The following MYO10 variants were observed in gnomAD, a reference collection of about 807,000 sequenced individuals.
MYO10 encodes the protein myosin X, also known as unconventional myosin-X.
MYO10 carries 133 observed loss-of-function variants against 257.3 expected under a neutral mutation model. The ratio of observed to expected loss-of-function variants is 0.52; its 90% CI spans 0.45 to 0.60. MYO10 has a LOEUF of 0.60. Ranked by LOEUF, MYO10 falls within the 20% of genes least tolerant of loss-of-function variation. The probability of loss-of-function intolerance (pLI) is 0.00; values close to 1 mark genes in which losing one functional copy is unlikely to be tolerated. For missense variants in MYO10, 2,399 were observed against 2,635.7 expected, an observed-to-expected ratio of 0.91 and a Z score of 1.97; for synonymous variants, 1,104 against 1,028.6, an observed-to-expected ratio of 1.07 and a Z score of -1.40.
chr5:16,675,099 A>C lies in MYO10; in HGVS notation c.4718T>G (p.Phe1573Cys). 6.2e-7 allele frequency: 1 copy of C among 1,613,918 alleles called. No individual in the cohort carries two copies. The highest frequency in any genetic ancestry group is 8.5e-7 in the Non-Finnish European group (1 of 1,179,884). ...TTLQDEAIKI[F>C]NSLQQLESMS... Reference sequence around the variant, plus strand: ...GGACTCCAGTTGCTGCAGGGAATTGAATATCTTGATGGCCTCATCCTGAAG... The same window carrying C: ...GGACTCCAGTTGCTGCAGGGAATTGCATATCTTGATGGCCTCATCCTGAAG... Residue 1573 changes from phenylalanine to cysteine, a missense_variant, in exon 35 of 41, where the codon TTC (phenylalanine) becomes TGC (cysteine). Transcript: ENST00000513610.
rs1736011750 is a variant in MYO10 at position 16,662,312 on chromosome 5, AAC to A, written c.*4378_*4379del. 3.5e-5 allele frequency: 2 copies of A among 56,830 alleles called. No individual in the cohort carries two copies. The highest frequency in any genetic ancestry group is 7.0e-5 in the Non-Finnish European group (2 of 28,590). The allele number at this position is 56,830 out of a possible 1,614,324, so 3.5% of individuals were successfully genotyped here. On this transcript the variant is annotated 3_prime_UTR_variant, in exon 41 of 41. Coordinates refer to ENST00000513610, the MANE Select transcript of MYO10 (RefSeq NM_012334.3). ...AAAAAAGTGCTGTCTTAGATTTCTGAACTATTTTTTTTTTTTTTTTTTTTTTT... is the reference window on the plus strand; with the variant it reads ...AAAAAAGTGCTGTCTTAGATTTCTGATATTTTTTTTTTTTTTTTTTTTTTT...
intron 1 of MYO10, among the ~76,000 whole-genome samples, chr5:16,906,092 C>CAT (rs1297651058): frequency 6.6e-6 from 1 of 152,232 alleles, no homozygotes; most frequent in African/African-American, 2.4e-5. Flanking sequence ...ACACATACCC[C>CAT]ATATCCCTTA....
At chr5:16,696,568 A>C (rs979097188) in intron 26 of MYO10, among the ~76,000 whole-genome samples, 1 of 152,144 alleles carries the variant, frequency 6.6e-6, no homozygotes, top group African/African-American at 2.4e-5. Context: ...TGTATAATAA[A>C]TCAATGCTGC....
At chr5:16,832,618 T>C (rs976303337) in intron 2 of MYO10, among the ~76,000 whole-genome samples, 3 of 152,122 alleles carry the variant, frequency 2.0e-5, no homozygotes, top group African/African-American at 7.2e-5. Flanking sequence ...CTGAGGGCCC[T>C]TTACTCCTGA....
At chr5:16,930,959 T>C (rs1746278533) in intron 1 of MYO10, among the ~76,000 whole-genome samples, 1 of 152,174 alleles carries the variant, frequency 6.6e-6, no homozygotes, top group Non-Finnish European at 1.5e-5. Context: ...AAGTCCAAAC[T>C]GTTGAAACTC....
intron 1 of MYO10, among the ~76,000 whole-genome samples, chr5:16,920,910 G>T (rs1745961370): frequency 6.6e-6 from 1 of 152,072 alleles, no homozygotes; most frequent in Non-Finnish European, 1.5e-5. Flanking sequence ...TTGAAGTCAG[G>T]AGTTCCAGAC....
chr5:16,755,720 CTTTTTTTTTTT>C (rs544255942), intron 18 of MYO10, among the ~76,000 whole-genome samples: 1 of 130,796 alleles, frequency 7.6e-6, no homozygotes, highest in Non-Finnish European at 1.6e-5. Flanking sequence ...TCTTTTCCAA[CTTTTTTTTTTT>C]TTTTTTTTTT....
chr5:16,682,170 T>C (rs756243340), intron 30 of MYO10, among the ~76,000 whole-genome samples, 157 bp from the exon 31 acceptor site: 4 of 152,226 alleles, frequency 2.6e-5, no homozygotes, highest in Non-Finnish European at 4.4e-5. Flanking sequence ...CGTTGCTCAT[T>C]TCTGCAGAAT....
chr5:16,827,306 G>A (rs1035783662), intron 2 of MYO10, among the ~76,000 whole-genome samples: 3 of 152,000 alleles, frequency 2.0e-5, no homozygotes, highest in African/African-American at 7.3e-5. Flanking sequence ...TTTTTTTGGA[G>A]ACGGAGTCTC....
chr5:16,693,245 G>C (rs1166148850), intron 27 of MYO10, among the ~76,000 whole-genome samples: 1 of 152,168 alleles, frequency 6.6e-6, no homozygotes. Context: ...TCCAGCCTGG[G>C]CAATGGGAGT....
rs369988702 is a variant in MYO10, at chr5:16,701,585, G to T, written c.2810C>A (p.Ala937Glu). 6.2e-7 allele frequency: 1 copy of T among 1,613,470 alleles called. No individual in the cohort carries two copies. Among genetic ancestry groups the T allele is most frequent in the African/African-American group, 1.3e-5 (1 of 74,896 alleles). ...LRRLEEEACR[A>E]AQEFLESLNF... ...GAGGGACTCGAGGAACTCCTGGGCC[G>T]CCCTGCACGCTTCCTCCTCCAGCCT... The change falls in exon 25 of 41, where the codon GCG (alanine) becomes GAG (glutamate). Residue 937 changes from alanine to glutamate, a missense_variant. Around this residue, in one of 3 missense-constraint regions of MYO10, gnomAD observed 1,820 missense variants for 1,939.4 expected, o/e 0.94. Coordinates refer to ENST00000513610, the MANE Select transcript of MYO10 (RefSeq NM_012334.3). The surrounding 1 kb of genome is among the most constrained non-coding windows in gnomAD (Gnocchi z 8.1).
intron 1 of MYO10, among the ~76,000 whole-genome samples, chr5:16,932,156 T>G (rs1292221325): frequency 6.6e-6 from 1 of 152,244 alleles, no homozygotes; most frequent in Non-Finnish European, 1.5e-5. Flanking sequence ...CCCTTAAACA[T>G]TAATACCTGC....
chr5:16,836,076 A>C (rs1743304170), intron 2 of MYO10, among the ~76,000 whole-genome samples: 1 of 152,172 alleles, frequency 6.6e-6, no homozygotes, highest in African/African-American at 2.4e-5. Flanking sequence ...ATCAGGGTGA[A>C]ACCTCCTAAG....
At chr5:16,935,711 C>T (rs1008766692) in intron 1 of MYO10, 77 bp downstream of exon 1, 50 of 1,582,060 alleles carry the variant, frequency 3.2e-5, no homozygotes, top group Non-Finnish European at 3.9e-5. Context: ...GAAAAAGTAC[C>T]CAGGGCGCGC....
chr5:16,768,296 C>T (rs908869946), intron 10 of MYO10, among the ~76,000 whole-genome samples: 1 of 152,136 alleles, frequency 6.6e-6, no homozygotes, highest in African/African-American at 2.4e-5. Flanking sequence ...CTCTGAGACA[C>T]TGTACAGGTG....
intron 2 of MYO10, among the ~76,000 whole-genome samples, chr5:16,840,190 A>G (rs950335155): frequency 1.7e-4 from 26 of 152,148 alleles, no homozygotes; most frequent in African/African-American, 6.0e-4. Context: ...AGGTGGGTGG[A>G]TCACTTGAGG....
chr5:16,904,036 T>C (rs959990641), intron 1 of MYO10, among the ~76,000 whole-genome samples: 1 of 152,142 alleles, frequency 6.6e-6, no homozygotes, highest in Non-Finnish European at 1.5e-5. Flanking sequence ...CCTAGGTGGT[T>C]TCAGGATGGG....
Position 16,818,143 on chromosome 5 carries a change from T to C in MYO10, c.145A>G (p.Ile49Val), listed in dbSNP as rs370217906. The C allele has an allele frequency of 7.5e-6, 12 of 1,597,038 alleles. No individual in the cohort carries two copies. Among genetic ancestry groups the C allele is most frequent in the Middle Eastern group, 1.7e-4 (1 of 6,020 alleles). ...GQVFTYKQST[I>V]THQKVTAMHP... ...ATAGCAGTCACCTTCTGGTGGGTAATTGTGCTCTGCTTGTAAGTGAATACC... is the reference window on the plus strand; with the variant it reads ...ATAGCAGTCACCTTCTGGTGGGTAACTGTGCTCTGCTTGTAAGTGAATACC... The change falls in exon 3 of 41, where the codon ATT becomes GTT. Residue 49 changes from isoleucine (I) to valine (V), a missense_variant. Transcript: ENST00000513610.
chr5:16,838,909 A>G (rs563194772), intron 2 of MYO10, among the ~76,000 whole-genome samples: 1 of 152,332 alleles, frequency 6.6e-6, no homozygotes, highest in African/African-American at 2.4e-5. Flanking sequence ...TGTTTACAGC[A>G]TGGTTTTAGT....
Sources: gnomAD v4.1 joint callset for allele counts (sites outside exome capture counted in the v4.1 genomes callset) on GRCh38, gnomAD v4.1.1 for gene constraint, gnomAD v4.1.1 regional missense constraint, Gnocchi (gnomAD v3.1) non-coding constraint, MANE v1.5 for transcripts, NCBI Gene and HGNC (gene_info 2026-07-23, HGNC 2026-07-21) for gene names.